Variants in STYXL2 observed in about 807,000 individuals in gnomAD.
STYXL2 encodes serine/threonine/tyrosine-interacting-like protein 2.
STYXL2 carries 44 observed loss-of-function variants against 52.4 expected under a neutral mutation model. The observed-to-expected ratio is 0.84, with a 90% CI of 0.66 to 1.08. The LOEUF (loss-of-function observed/expected upper bound fraction) is 1.08, where lower values mean the gene tolerates loss of function less well. STYXL2 is among the 50% of genes least tolerant of loss of function. The probability of loss-of-function intolerance (pLI) is 0.00; values close to 1 mark genes in which losing one functional copy is unlikely to be tolerated. For synonymous variants in STYXL2, 604 were observed against 586.9 expected, an observed-to-expected ratio of 1.03 and a Z score of -0.42; for missense variants, 1,604 against 1,471.7, an observed-to-expected ratio of 1.09 and a Z score of -1.47.
chr1:167,125,810 A>T lies in STYXL2; in HGVS notation c.679A>T (p.Met227Leu). Residue 227 changes from methionine to leucine, a missense_variant, in exon 6 of 6, where the codon ATG becomes TTG. Physicochemically the swap from Met to Leu is conservative, Grantham distance 15. Transcript: ENST00000361200. Reference sequence around the variant, plus strand: ...AGGGAAAGTCCTGGTCAGCAGCGAAATGGGCATCAGCCGGTCAGCAGTGCT... The same window carrying T: ...AGGGAAAGTCCTGGTCAGCAGCGAATTGGGCATCAGCCGGTCAGCAGTGCT... ...YRGKVLVSSE[M>L]GISRSAVLVV... 1 of 1,604,458 alleles carries T rather than the reference A, an allele frequency of 6.2e-7. No homozygotes were observed. Among genetic ancestry groups the T allele is most frequent in the Non-Finnish European group, 8.5e-7 (1 of 1,175,584 alleles).
intron 4 of STYXL2, 54 bp from the exon 5 acceptor site, chr1:167,119,195 G>T: frequency 1.3e-6 from 2 of 1,558,080 alleles, no homozygotes; most frequent in South Asian, 2.3e-5. Context: ...TCACAGTGGT[G>T]ACACACCTTT....
intron 5 of STYXL2, among the ~76,000 whole-genome samples, chr1:167,121,061 G>C (rs1299651119): frequency 6.8e-6 from 1 of 147,922 alleles, no homozygotes; most frequent in Non-Finnish European, 1.5e-5. Flanking sequence ...GCCCAGTCTA[G>C]AGTGCAATGG....
At chr1:167,099,602 C>T (rs1275000804) in intron 2 of STYXL2, among the ~76,000 whole-genome samples, 4 of 152,162 alleles carry the variant, frequency 2.6e-5, no homozygotes, top group Non-Finnish European at 5.9e-5. Flanking sequence ...ACCAGAATAT[C>T]TCAAACTAAA....
chr1:167,122,268 C>T (rs1185509747), intron 5 of STYXL2, among the ~76,000 whole-genome samples: 1 of 152,066 alleles, frequency 6.6e-6, no homozygotes, highest in Non-Finnish European at 1.5e-5. Context: ...GAGCCTGGCA[C>T]GCCGGGCAGG....
At position 167,113,891 on chromosome 1, in the gene STYXL2, C is replaced by T. The variant is rs187826650; in HGVS notation, c.205+87C>T. ...GGGGCCATTGGAAGACGTCAATGTGCCTCTCAGGTGCTGCCCATCACGTTA... is the reference window on the plus strand; with the variant it reads ...GGGGCCATTGGAAGACGTCAATGTGTCTCTCAGGTGCTGCCCATCACGTTA... On this transcript the variant is annotated intron_variant, in intron 3 of 5. Coordinates refer to ENST00000361200, the MANE Select transcript of STYXL2 (RefSeq NM_001080426.3). 1.7e-5 allele frequency: 17 copies of T among 1,018,526 alleles called. No homozygotes were observed. In the Admixed American group the frequency reaches 1.7e-4, roughly 10 times the overall value. The allele number at this position is 1,018,526 out of a possible 1,614,324, so 63.1% of individuals were successfully genotyped here. A position where few individuals can be genotyped will look rare whatever the true frequency, so the allele number is the denominator to read the frequency against.
chr1:167,105,408 G>A (rs923347348), intron 2 of STYXL2, among the ~76,000 whole-genome samples: 5 of 152,072 alleles, frequency 3.3e-5, no homozygotes, highest in African/African-American at 4.8e-5. Flanking sequence ...GGTATGTATC[G>A]ATCCTAGGTC....
rs141118809 is a variant in STYXL2, at chr1:167,127,113, C to T, written c.1982C>T (p.Ala661Val). The part of the protein sequence containing the change: ...STASGSIPLS[A>V]FWSADPSVSA... ...GCCAGCGGGAGCATTCCCCTGTCTG[C>T]GTTCTGGTCTGCAGACCCCTCAGTC... is the stretch of plus-strand genomic sequence containing the variant. The change falls in exon 6 of 6, where the codon GCG (alanine) becomes GTG (valine). Residue 661 changes from alanine to valine, a missense_variant. Coordinates refer to ENST00000361200, the MANE Select transcript of STYXL2 (RefSeq NM_001080426.3). 4.3e-6 allele frequency: 7 copies of T among 1,613,850 alleles called. No homozygotes were observed. The highest frequency in any genetic ancestry group is 1.6e-4 in the Middle Eastern group (1 of 6,084).
chr1:167,116,726 A>G (rs1034316049), intron 3 of STYXL2, among the ~76,000 whole-genome samples: 69 of 136,266 alleles, frequency 5.1e-4, no homozygotes, highest in African/African-American at 1.9e-3. Flanking sequence ...CTCTCAGCTC[A>G]CTGCAACCTC....
rs753731247 is a variant in STYXL2 at position 167,127,236 on chromosome 1, A to T, written c.2105A>T (p.Asn702Ile). ...ASNIAGCSTS[N>I]PTTPLPNLPV... ...AACATAGCGGGGTGTTCAACCTCCA[A>T]CCCCACCACACCCCTGCCTAACCTG... Residue 702 changes from asparagine (N) to isoleucine (I), a missense_variant, in exon 6 of 6, where the codon AAC becomes ATC. Asn to Ile is a moderately radical substitution (Grantham distance 149, BLOSUM62 -3). Transcript: ENST00000361200. 1.2e-6 allele frequency: 2 copies of T among 1,613,746 alleles called. No homozygotes were observed. Among genetic ancestry groups the T allele is most frequent in the Non-Finnish European group, 8.5e-7 (1 of 1,179,912 alleles).
At chr1:167,120,779 G>A (rs1315897532) in intron 5 of STYXL2, among the ~76,000 whole-genome samples, 1 of 130,768 alleles carries the variant, frequency 7.6e-6, no homozygotes, top group Non-Finnish European at 1.7e-5. Flanking sequence ...ACCATGCCTG[G>A]CCAAATACAC....
Position 167,127,371 on chromosome 1 carries a change from G to A in STYXL2, c.2240G>A (p.Arg747His), listed in dbSNP as rs200160038. The change falls in exon 6 of 6, where the codon CGC becomes CAC. Residue 747 changes from arginine (R) to histidine (H), a missense_variant. Coordinates refer to ENST00000361200, the MANE Select transcript of STYXL2 (RefSeq NM_001080426.3). ...QKQNEMLLLS[R>H]SPSVASMKAV... ...CAAAATGAAATGCTGCTGTTGTCCC[G>A]CTCACCGTCTGTTGCAAGCATGAAG... 65 of 1,614,136 alleles carry A rather than the reference G, an allele frequency of 4.0e-5. No homozygotes were observed. Among genetic ancestry groups the A allele is most frequent in the Admixed American group, 8.3e-5 (5 of 60,018 alleles).
chr1:167,129,149 C>G lies in STYXL2; in HGVS notation c.*541C>G, dbSNP rs985255308. On this transcript the variant is annotated 3_prime_UTR_variant, in exon 6 of 6. Transcript: ENST00000361200. ...GCAAATAGTTCTTCTTTATTCTGGTCATGTTTAACTTTTTGGATATTAGAA... is the reference window on the plus strand; with the variant it reads ...GCAAATAGTTCTTCTTTATTCTGGTGATGTTTAACTTTTTGGATATTAGAA... The G allele has an allele frequency of 1.3e-5, 2 of 152,416 alleles. No individual in the cohort carries two copies. Among genetic ancestry groups the G allele is most frequent in the Non-Finnish European group, 2.9e-5 (2 of 68,462 alleles). The allele number at this position is 152,416 out of a possible 1,614,324, so 9.4% of individuals were successfully genotyped here.
chr1:167,125,369 G>C (rs1421146861), intron 5 of STYXL2, among the ~76,000 whole-genome samples: 1 of 152,172 alleles, frequency 6.6e-6, no homozygotes, highest in East Asian at 1.9e-4. Context: ...TCCAGCATCA[G>C]GGATGTTGTA....
intron 2 of STYXL2, among the ~76,000 whole-genome samples, chr1:167,098,266 C>A (rs953304751): frequency 1.3e-5 from 2 of 152,010 alleles, no homozygotes; most frequent in Non-Finnish European, 2.9e-5. Context: ...TGCCTCAGCT[C>A]TCAAAGTGCT....
Position 167,115,101 on chromosome 1 carries a change from T to C in STYXL2, c.205+1297T>C, listed in dbSNP as rs552716419. Among the ~76,000 whole-genome samples the C allele has an allele frequency of 5.9e-5, 9 of 152,366 alleles. No homozygotes were observed. In the South Asian group the frequency reaches 1.9e-3, roughly 32 times the overall value. ...TTTGAAAGCTTCACTTTCAAGTCTA[T>C]AGAATGCTATGGACATTCAGTCTAG... is the stretch of plus-strand genomic sequence containing the variant. On this transcript the variant is annotated intron_variant, in intron 3 of 5. Transcript: ENST00000361200.
intron 1 of STYXL2, chr1:167,094,574 C>T: frequency 2.4e-6 from 1 of 411,296 alleles, no homozygotes; most frequent in Non-Finnish European, 4.5e-6. Context: ...TGCTCCCTTG[C>T]TGACATCTGT....
intron 2 of STYXL2, among the ~76,000 whole-genome samples, chr1:167,103,118 A>G (rs1366546808): frequency 6.6e-6 from 1 of 151,882 alleles, no homozygotes; most frequent in Non-Finnish European, 1.5e-5. Context: ...CATAATTCCA[A>G]TCTCTGCCAC....
intron 2 of STYXL2, among the ~76,000 whole-genome samples, chr1:167,100,795 T>G (rs569610492): frequency 6.6e-6 from 1 of 152,344 alleles, no homozygotes; most frequent in Admixed American, 6.5e-5. Context: ...GCAATTGATT[T>G]CTAGAAACTT....
chr1:167,119,945 C>T (rs1255791923), intron 5 of STYXL2, among the ~76,000 whole-genome samples: 1 of 152,092 alleles, frequency 6.6e-6, no homozygotes, highest in African/African-American at 2.4e-5. Flanking sequence ...ACTAGTAGTG[C>T]AAAGATCCAA....
Sources: allele counts gnomAD v4.1 joint callset (sites outside exome capture counted in the v4.1 genomes callset), GRCh38; gene constraint gnomAD v4.1.1; transcripts MANE v1.5; gene names NCBI Gene and HGNC (gene_info 2026-07-23, HGNC 2026-07-21).